ENPEP: variants seen among roughly 807,000 people sequenced by gnomAD.
ENPEP encodes glutamyl aminopeptidase.
ENPEP carries 103 observed loss-of-function variants against 114.5 expected under a neutral mutation model. The ratio of observed to expected loss-of-function variants is 0.90; its 90% CI spans 0.77 to 1.06. ENPEP has a LOEUF of 1.06. Ranked by LOEUF, ENPEP falls within the 50% of genes least tolerant of loss-of-function variation. The pLI, the probability that ENPEP is intolerant of heterozygous loss-of-function variation, is 0.00. For missense variants in ENPEP, 1,196 were observed against 1,161.3 expected, an observed-to-expected ratio of 1.03 and a Z score of -0.43; for synonymous variants, 420 against 422.0, an observed-to-expected ratio of 1.00 and a Z score of 0.06.
At position 110,542,829 on chromosome 4, in the gene ENPEP, TA is replaced by T; in HGVS notation, c.1889del (p.Asn630IlefsTer4). ...CCAGATCATATTGGGTTTTATCGTG[TA>T]AATTATGAAGTAGCAACTTGGGACT... Reference protein sequence around the residue: ...INPDHIGFYRVNYEVATWDSI... With the variant: ...INPDHIGFYRXNYEVATWDSI... On this transcript the variant is annotated frameshift_variant, in exon 12 of 20. Transcript: ENST00000265162. LOFTEE classifies it high-confidence loss of function. 1 of 1,613,262 alleles carries T rather than the reference TA, an allele frequency of 6.2e-7. No individual in the cohort carries two copies. Among genetic ancestry groups the T allele is most frequent in the Non-Finnish European group, 8.5e-7 (1 of 1,179,444 alleles).
chr4:110,506,595 G>A (rs774806124), intron 3 of ENPEP, 42 bp from the exon 4 acceptor site: 1 of 1,561,800 alleles, frequency 6.4e-7, no homozygotes, highest in South Asian at 1.2e-5. Flanking sequence ...TTTGTTGAAT[G>A]AAGAATAATT....
chr4:110,558,314 G>A (rs912154662), intron 18 of ENPEP, among the ~76,000 whole-genome samples: 28 of 143,672 alleles, frequency 1.9e-4, no homozygotes, highest in African/African-American at 7.7e-4. Context: ...TTGAGACAAG[G>A]TCTCACTCTG....
chr4:110,521,470 GC>G (rs1186335757), intron 10 of ENPEP, among the ~76,000 whole-genome samples: 1 of 151,736 alleles, frequency 6.6e-6, no homozygotes, highest in Non-Finnish European at 1.5e-5. Context: ...GAGAGTACAC[GC>G]CAGCTACTAG....
At chr4:110,550,594 A>C (rs2110395726) in intron 17 of ENPEP, among the ~76,000 whole-genome samples, 1 of 151,822 alleles carries the variant, frequency 6.6e-6, no homozygotes, top group South Asian at 2.1e-4. Context: ...CTCATTTCCC[A>C]CTCTGCATTT....
intron 18 of ENPEP, among the ~76,000 whole-genome samples, chr4:110,554,135 A>G (rs1405320231): frequency 6.6e-6 from 1 of 152,012 alleles, no homozygotes; most frequent in East Asian, 1.9e-4. Flanking sequence ...AGAGTACAAA[A>G]TAGAATATAG....
At chr4:110,489,996 T>G (rs1378354641) in intron 2 of ENPEP, among the ~76,000 whole-genome samples, 3 of 152,196 alleles carry the variant, frequency 2.0e-5, no homozygotes, top group African/African-American at 7.2e-5. Context: ...TCAATTTGTT[T>G]TCTTCTAAGG....
intron 10 of ENPEP, among the ~76,000 whole-genome samples, 189 bp from the exon 11 acceptor site, chr4:110,531,009 A>T (rs889862287): frequency 1.3e-5 from 2 of 152,164 alleles, no homozygotes; most frequent in African/African-American, 2.4e-5. Context: ...GATTTATAGA[A>T]ATTGAGAACA....
chr4:110,479,487 T>C (rs1724232466), intron 1 of ENPEP, among the ~76,000 whole-genome samples: 1 of 152,164 alleles, frequency 6.6e-6, no homozygotes, highest in Non-Finnish European at 1.5e-5. Context: ...TGTGTATATA[T>C]GTGTACATGC....
intron 2 of ENPEP, among the ~76,000 whole-genome samples, chr4:110,489,264 G>A (rs1409433696): frequency 2.7e-5 from 4 of 150,722 alleles, no homozygotes; most frequent in African/African-American, 7.3e-5. Context: ...TTGCATGAAC[G>A]TGGATGAAGC....
chr4:110,548,233 A>G lies in ENPEP; in HGVS notation c.2058A>G (p.Glu686=). 7 of 1,601,248 alleles carry G rather than the reference A, an allele frequency of 4.4e-6. No homozygotes were observed. The highest frequency in any genetic ancestry group is 6.0e-6 in the Non-Finnish European group (7 of 1,174,212). ...ALNLTKYLKR[E]ENFLPWQRVI... is the part of the protein sequence containing the mutation. ...ACTTGACCAAGTATCTCAAAAGGGA[A>G]GAGAATTTTTTACCATGGCAGAGAG... The change falls in exon 14 of 20, where the codon GAA becomes GAG. Residue 686 remains glutamate (E), a synonymous_variant. Coordinates refer to ENST00000265162, the MANE Select transcript of ENPEP (RefSeq NM_001977.4).
chr4:110,536,269 A>G (rs558265810), intron 11 of ENPEP, among the ~76,000 whole-genome samples: 1 of 152,282 alleles, frequency 6.6e-6, no homozygotes, highest in African/African-American at 2.4e-5. Context: ...GTGCAATAAA[A>G]GTTTCTTGTT....
At chr4:110,480,302 T>C (rs1365187216) in intron 1 of ENPEP, among the ~76,000 whole-genome samples, 1 of 152,210 alleles carries the variant, frequency 6.6e-6, no homozygotes. Flanking sequence ...ATTTCAAGCA[T>C]ATGAGAAAAG....
intron 1 of ENPEP, among the ~76,000 whole-genome samples, chr4:110,482,960 G>T (rs1724370155): frequency 6.6e-6 from 1 of 152,178 alleles, no homozygotes; most frequent in Non-Finnish European, 1.5e-5. Context: ...AGTGAGTCAA[G>T]ATCGCGCCAC....
Position 110,520,350 on chromosome 4 carries a change from C to G in ENPEP, c.1711C>G (p.Pro571Ala). The G allele has an allele frequency of 6.2e-7, 1 of 1,613,838 alleles. No homozygotes were observed. The highest frequency in any genetic ancestry group is 8.5e-7 in the Non-Finnish European group (1 of 1,179,886). Residue 571 changes from proline (P) to alanine (A), a missense_variant, in exon 10 of 20, where the codon CCC (proline) becomes GCC (alanine). Coordinates refer to ENST00000265162, the MANE Select transcript of ENPEP (RefSeq NM_001977.4). The part of the protein sequence containing the change: ...LLDPRANPSQ[P>A]PSDLGYTWNI... ...GGACCCAAGAGCTAACCCTTCTCAGCCCCCTTCAGATCTTGGGTAAGGCTC... is the reference window on the plus strand; with the variant it reads ...GGACCCAAGAGCTAACCCTTCTCAGGCCCCTTCAGATCTTGGGTAAGGCTC...
At chr4:110,503,680 T>A (rs1725250395) in intron 3 of ENPEP, among the ~76,000 whole-genome samples, 1 of 152,202 alleles carries the variant, frequency 6.6e-6, no homozygotes, top group Admixed American at 6.5e-5. Context: ...GTGGGCTGAC[T>A]TTCCCTCAAC....
At chr4:110,505,122 GAT>G (rs1161605856) in intron 3 of ENPEP, among the ~76,000 whole-genome samples, 1 of 152,184 alleles carries the variant, frequency 6.6e-6, no homozygotes, top group Non-Finnish European at 1.5e-5. Flanking sequence ...GTACGAACGT[GAT>G]GACTTTTATT....
chr4:110,508,867 T>G (rs1725472682), intron 4 of ENPEP, among the ~76,000 whole-genome samples: 1 of 152,224 alleles, frequency 6.6e-6, no homozygotes, highest in African/African-American at 2.4e-5. Context: ...CTCTTATATG[T>G]TAAGTGAAAA....
intron 11 of ENPEP, among the ~76,000 whole-genome samples, chr4:110,537,518 A>G (rs1578413153): frequency 6.6e-6 from 1 of 152,246 alleles, no homozygotes; most frequent in East Asian, 1.9e-4. Context: ...CTCTCTTGCT[A>G]TTTTCACCAC....
At chr4:110,530,102 G>T (rs1726349286) in intron 10 of ENPEP, among the ~76,000 whole-genome samples, 1 of 151,948 alleles carries the variant, frequency 6.6e-6, no homozygotes, top group Non-Finnish European at 1.5e-5. Context: ...AGAGAAAGGG[G>T]TCTAAGGAGA....
Sources: allele counts gnomAD v4.1 joint callset (sites outside exome capture counted in the v4.1 genomes callset), GRCh38; gene constraint gnomAD v4.1.1; transcripts MANE v1.5; gene names NCBI Gene and HGNC (gene_info 2026-07-23, HGNC 2026-07-21).